WDR89: variants seen among roughly 807,000 people sequenced by gnomAD.
WDR89 encodes the protein WD repeat-containing protein 89.
A neutral mutation model predicts 29.1 loss-of-function variants in WDR89; 17 were observed. The ratio of observed to expected loss-of-function variants is 0.58; its 90% CI spans 0.40 to 0.88. The LOEUF (loss-of-function observed/expected upper bound fraction) is 0.88. Ranked by LOEUF, WDR89 falls within the 40% of genes least tolerant of loss-of-function variation. The probability of loss-of-function intolerance (pLI) is 0.00; values close to 1 mark genes in which losing one functional copy is unlikely to be tolerated. For missense variants in WDR89, 396 were observed against 456.3 expected (o/e 0.87, Z 1.20); for synonymous variants, 138 against 157.8 (o/e 0.87, Z 0.94).
At chr14:63,602,958 G>A (rs1045891671) in intron 2 of WDR89, among the ~76,000 whole-genome samples, 6 of 151,838 alleles carry the variant, frequency 4.0e-5, no homozygotes, top group East Asian at 1.9e-4. Flanking sequence ...GGGTTTCACC[G>A]TGTTAGCCAG....
chr14:63,625,302 T>C (rs759516099), intron 1 of WDR89, among the ~76,000 whole-genome samples: 2 of 152,208 alleles, frequency 1.3e-5, no homozygotes, highest in African/African-American at 4.8e-5. Flanking sequence ...GGGGAGGCCA[T>C]TGATTATTAA....
intron 2 of WDR89, among the ~76,000 whole-genome samples, chr14:63,618,502 T>C (rs574232333): frequency 1.0e-3 from 159 of 152,180 alleles, no homozygotes; most frequent in Admixed American, 1.7e-3. Flanking sequence ...CAGGAAAGAA[T>C]TCTTGGAAAT....
intron 2 of WDR89, among the ~76,000 whole-genome samples, chr14:63,619,836 C>G (rs1366642947): frequency 6.6e-6 from 1 of 151,932 alleles, no homozygotes; most frequent in Non-Finnish European, 1.5e-5. Flanking sequence ...GAAACCCCAT[C>G]TCTAGTGAAA....
In WDR89 at chr14:63,598,690, T is replaced by C. The variant is rs113745698; in HGVS notation, c.*89A>G. 7,671 of 1,218,312 alleles carry C rather than the reference T, an allele frequency of 6.3e-3. 26 individuals are homozygous for C. Among genetic ancestry groups the C allele is most frequent in the Non-Finnish European group, 7.1e-3 (6,581 of 921,306 alleles). The allele number at this position is 1,218,312 out of a possible 1,614,324, so 75.5% of individuals were successfully genotyped here. ...GTTTGCTAACTGGCTTGTTTTTACA[T>C]AAAGCTTTAAACATGTCTACCATGG... On this transcript the variant is annotated 3_prime_UTR_variant, in exon 3 of 3. Coordinates refer to ENST00000620954, the MANE Select transcript of WDR89 (RefSeq NM_080666.4).
chr14:63,634,097 A>G (rs1883577667), intron 1 of WDR89, among the ~76,000 whole-genome samples: 1 of 152,222 alleles, frequency 6.6e-6, no homozygotes, highest in Non-Finnish European at 1.5e-5. Flanking sequence ...ATAATTACTT[A>G]AATTTCAGGC....
At chr14:63,608,114 A>G (rs1439444244) in intron 2 of WDR89, among the ~76,000 whole-genome samples, 7 of 151,726 alleles carry the variant, frequency 4.6e-5, no homozygotes, top group Admixed American at 3.3e-4. Flanking sequence ...GCTGAGGCAG[A>G]AGAATCACTT....
chr14:63,597,544 A>G lies in WDR89; in HGVS notation c.*1235T>C, dbSNP rs1356326796. ...TATTTTCTCACCTACATCTTCCAAC[A>G]CTATTAATTACTTTTGAATTTTAAA... On this transcript the variant is annotated 3_prime_UTR_variant, in exon 3 of 3. Transcript: ENST00000620954. 1 of 152,150 alleles carries G rather than the reference A, an allele frequency of 6.6e-6. No homozygotes were observed. Among genetic ancestry groups the G allele is most frequent in the Admixed American group, 6.6e-5 (1 of 15,262 alleles). 9.4% of individuals were successfully genotyped at this position (152,150 alleles called of 1,614,324 possible).
At chr14:63,617,350 G>C (rs1249421830) in intron 2 of WDR89, among the ~76,000 whole-genome samples, 1 of 151,904 alleles carries the variant, frequency 6.6e-6, no homozygotes. Context: ...CAAAGTGCTG[G>C]GATTATGGGA....
In WDR89 at chr14:63,599,454, A is replaced by C. The variant is rs772724014; in HGVS notation, c.489T>G (p.Gly163=). The C allele has an allele frequency of 6.2e-7, 1 of 1,614,230 alleles. No individual in the cohort carries two copies. Among genetic ancestry groups the C allele is most frequent in the Non-Finnish European group, 8.5e-7 (1 of 1,180,028 alleles). ...QNLSTTKDSL[G]AYSETHSDDV... ...CATCACTATGTGTCTCTGAATATGC[A>C]CCAAGTGAGTCTTTAGTTGTAGATA... Residue 163 remains glycine (G), a synonymous_variant, in exon 3 of 3, where the codon GGT becomes GGG. Transcript: ENST00000620954.
chr14:63,639,410 T>TC (rs977838396), intron 1 of WDR89, among the ~76,000 whole-genome samples: 8 of 135,852 alleles, frequency 5.9e-5, no homozygotes, highest in Admixed American at 3.0e-4. Flanking sequence ...ACATCTGCAC[T>TC]CCCCTTTCTT....
At chr14:63,632,327 G>C (rs1186811568) in intron 1 of WDR89, among the ~76,000 whole-genome samples, 1 of 151,412 alleles carries the variant, frequency 6.6e-6, no homozygotes, top group Non-Finnish European at 1.5e-5. Flanking sequence ...GGAAGTAGCA[G>C]CACTTAAAAA....
In WDR89 at chr14:63,599,876, G is replaced by C; in HGVS notation, c.67C>G (p.Pro23Ala). 1 of 1,613,848 alleles carries C rather than the reference G, an allele frequency of 6.2e-7. No individual in the cohort carries two copies. The highest frequency in any genetic ancestry group is 8.5e-7 in the Non-Finnish European group (1 of 1,179,912). ...GTGTCTATACCAAGAAGGTAAGTGGGCTCTTTGGTTCCTAAGGAACATTTA... is the reference window on the plus strand; with the variant it reads ...GTGTCTATACCAAGAAGGTAAGTGGCCTCTTTGGTTCCTAAGGAACATTTA... ...IVKCSLGTKE[P>A]TYLLGIDTSK... The change falls in exon 3 of 3, where the codon CCC becomes GCC. Residue 23 changes from proline (P) to alanine (A), a missense_variant. Transcript: ENST00000620954.
chr14:63,601,846 A>T, intron 2 of WDR89: 4 of 803,794 alleles, frequency 5.0e-6, no homozygotes, highest in Non-Finnish European at 6.3e-6. Flanking sequence ...CATCAACATG[A>T]AGCTGCCCAT....
At chr14:63,629,562 A>G (rs1883268410) in intron 1 of WDR89, among the ~76,000 whole-genome samples, 1 of 152,192 alleles carries the variant, frequency 6.6e-6, no homozygotes, top group Admixed American at 6.5e-5. Flanking sequence ...TCTGTTACTC[A>G]TGTCTGGTCA....
At chr14:63,622,188 A>G (rs1333444374) in intron 2 of WDR89, among the ~76,000 whole-genome samples, 1 of 152,166 alleles carries the variant, frequency 6.6e-6, no homozygotes, top group African/African-American at 2.4e-5. Flanking sequence ...TAATCCCAGC[A>G]CTTTGGAAGG....
At chr14:63,620,442 AG>A (rs1882623457) in intron 2 of WDR89, among the ~76,000 whole-genome samples, 2 of 152,210 alleles carry the variant, frequency 1.3e-5, no homozygotes, top group Non-Finnish European at 2.9e-5. Flanking sequence ...GACAGTAGAT[AG>A]GTAGTTAATC....
chr14:63,621,975 A>T (rs1363985793), intron 2 of WDR89: 1 of 152,232 alleles, frequency 6.6e-6, no homozygotes, highest in Non-Finnish European at 1.5e-5. Context: ...ACAGTATGAT[A>T]ACAAATTGAA....
intron 2 of WDR89, among the ~76,000 whole-genome samples, chr14:63,617,638 C>A (rs1321623303): frequency 2.0e-5 from 3 of 152,100 alleles, no homozygotes; most frequent in Non-Finnish European, 4.4e-5. Flanking sequence ...GCACCCACCA[C>A]CACGCCCAGC....
intron 1 of WDR89, among the ~76,000 whole-genome samples, chr14:63,633,163 A>G (rs761694934): frequency 9.9e-5 from 15 of 152,158 alleles, no homozygotes; most frequent in Admixed American, 8.5e-4. Flanking sequence ...TGCAATATGT[A>G]ATGTCAAATG....
Sources: allele counts gnomAD v4.1 joint callset (sites outside exome capture counted in the v4.1 genomes callset), GRCh38; gene constraint gnomAD v4.1.1; transcripts MANE v1.5; gene names NCBI Gene and HGNC (gene_info 2026-07-23, HGNC 2026-07-21).